The following FBXL17 variants were observed in gnomAD, a reference collection of about 807,000 sequenced individuals.
FBXL17 encodes F-box/LRR-repeat protein 17.
In FBXL17, 22 loss-of-function variants were observed where a neutral mutation model predicts 66.2. The observed-to-expected ratio is 0.33, with a 90% CI of 0.24 to 0.47. The LOEUF is 0.47. Ranked by LOEUF, FBXL17 falls within the 20% of genes least tolerant of loss-of-function variation. The pLI, the probability that FBXL17 is intolerant of heterozygous loss-of-function variation, is 1.00. For missense variants in FBXL17, 878 were observed against 948.2 expected (o/e 0.93, Z 0.97); for synonymous variants, 474 against 400.5 (o/e 1.18, Z -2.19).
chr5:108,142,728 C>T (rs1751399139), intron 6 of FBXL17, among the ~76,000 whole-genome samples: 1 of 152,000 alleles, frequency 6.6e-6, no homozygotes, highest in African/African-American at 2.4e-5. Context: ...CACAAGGAGT[C>T]CCCAACATAT....
chr5:107,910,994 A>G (rs1261906045), intron 7 of FBXL17, among the ~76,000 whole-genome samples: 2 of 152,158 alleles, frequency 1.3e-5, no homozygotes, highest in Non-Finnish European at 2.9e-5. Context: ...GTGCAAAACT[A>G]CATTCAATGT....
chr5:107,879,088 G>A, intron 8 of FBXL17: 1 of 985,454 alleles, frequency 1.0e-6, no homozygotes, highest in Non-Finnish European at 1.2e-6. Flanking sequence ...CAAAATGCTG[G>A]TCAGCAAATA....
At chr5:108,131,739 T>C (rs1039783758) in intron 6 of FBXL17, among the ~76,000 whole-genome samples, 2 of 152,122 alleles carry the variant, frequency 1.3e-5, no homozygotes, top group Admixed American at 6.5e-5. Flanking sequence ...AATTATTATA[T>C]GGCTACAGTA....
intron 4 of FBXL17, among the ~76,000 whole-genome samples, chr5:108,348,133 A>T (rs1392229619): frequency 6.6e-6 from 1 of 152,234 alleles, no homozygotes; most frequent in African/African-American, 2.4e-5. Context: ...CCAATTTACC[A>T]GTATTAGTTC....
At chr5:107,960,097 C>A (rs1441905127) in intron 7 of FBXL17, among the ~76,000 whole-genome samples, 1 of 152,152 alleles carries the variant, frequency 6.6e-6, no homozygotes, top group Admixed American at 6.6e-5. Flanking sequence ...ACTATTGGTT[C>A]TCAGTTCCTT....
At chr5:108,243,701 C>T (rs180683799) in intron 4 of FBXL17, among the ~76,000 whole-genome samples, 38 of 151,976 alleles carry the variant, frequency 2.5e-4, no homozygotes, top group Non-Finnish European at 3.1e-4. Context: ...TTAACAGATA[C>T]GGTTAAAGAC....
intron 6 of FBXL17, among the ~76,000 whole-genome samples, chr5:108,047,968 G>A (rs1014968861): frequency 2.6e-5 from 4 of 152,190 alleles, no homozygotes; most frequent in Admixed American, 6.5e-5. Flanking sequence ...AACAGATCCT[G>A]TTCCCCATGC....
chr5:108,126,684 T>C (rs256538), intron 6 of FBXL17, among the ~76,000 whole-genome samples: 25,477 of 132,672 alleles, frequency 0.19, 3,020 homozygotes, highest in South Asian at 0.34. Flanking sequence ...TATATATATA[T>C]ACACACATAC....
rs79982570 is a variant in FBXL17, at chr5:108,340,994, T to C, written c.1506+7405A>G. ...GTACATATCTTAGTACCATATTGTA[T>C]ATACTTCTCATATATGCCGTAGAGA... is the stretch of plus-strand genomic sequence containing the variant. On this transcript the variant is annotated intron_variant, in intron 4 of 8. Coordinates refer to ENST00000542267, the MANE Select transcript of FBXL17 (RefSeq NM_001163315.3). 9.0e-3 allele frequency among the ~76,000 whole-genome samples: 1,372 copies of C among 152,280 alleles called. 21 individuals are homozygous for C. Among genetic ancestry groups the C allele is most frequent in the African/African-American group, 0.03 (1,246 of 41,562 alleles).
chr5:108,277,489 A>G (rs966068605), intron 4 of FBXL17, among the ~76,000 whole-genome samples: 26 of 152,196 alleles, frequency 1.7e-4, no homozygotes, highest in Non-Finnish European at 3.7e-4. Context: ...AGAAAACCAG[A>G]AATCTAATAC....
intron 6 of FBXL17, among the ~76,000 whole-genome samples, chr5:108,109,505 AT>A (rs1167848764): frequency 3.3e-5 from 5 of 152,348 alleles, no homozygotes; most frequent in African/African-American, 1.2e-4. Context: ...CAAACCTAGC[AT>A]AAAAAATATA....
intron 5 of FBXL17, among the ~76,000 whole-genome samples, chr5:108,206,410 T>A (rs903864748): frequency 7.2e-5 from 11 of 152,176 alleles, no homozygotes; most frequent in African/African-American, 2.7e-4. Flanking sequence ...AGACTGCACA[T>A]ACATATTTAA....
chr5:108,240,308 C>G (rs1256209133), intron 4 of FBXL17, among the ~76,000 whole-genome samples: 3 of 152,112 alleles, frequency 2.0e-5, no homozygotes, highest in African/African-American at 7.2e-5. Context: ...TATAACTACC[C>G]TGAGCCAGAG....
intron 5 of FBXL17, among the ~76,000 whole-genome samples, chr5:108,221,010 C>T (rs1754841338): frequency 6.6e-6 from 1 of 152,142 alleles, no homozygotes. Flanking sequence ...CAAACAGTCC[C>T]ATAAATATGA....
intron 6 of FBXL17, among the ~76,000 whole-genome samples, chr5:108,123,655 T>C (rs1750588007): frequency 6.6e-6 from 1 of 152,178 alleles, no homozygotes; most frequent in South Asian, 2.1e-4. Flanking sequence ...CATTTCAGCA[T>C]ACCTCAAACT....
intron 8 of FBXL17, among the ~76,000 whole-genome samples, chr5:107,876,606 G>A (rs184752386): frequency 3.3e-4 from 51 of 152,274 alleles, no homozygotes; most frequent in Non-Finnish European, 4.9e-4. Context: ...TTTTCCGCCA[G>A]TGCCAGGCCA....
rs910426949 is a variant in FBXL17, at chr5:107,878,570, G to A, written c.1965+2467C>T. The A allele has an allele frequency of 1.0e-5, 10 of 974,588 alleles. No individual in the cohort carries two copies. The African/African-American group carries it at 1.1e-4, about 10-fold the overall frequency. 60.4% of individuals were successfully genotyped at this position (974,588 alleles called of 1,614,324 possible). A position where few individuals can be genotyped will look rare whatever the true frequency, so the allele number is the denominator to read the frequency against. On this transcript the variant is annotated intron_variant, in intron 8 of 8. Transcript: ENST00000542267. The stretch of plus-strand genomic sequence containing the variant: ...ATCTGAACCTGAACTCTGGCTCTCC[G>A]CAGACCATACCGTTGCTACTAATTT...
At chr5:108,374,298 ACAAGT>A (rs1373893651) in intron 1 of FBXL17, among the ~76,000 whole-genome samples, 1 of 152,220 alleles carries the variant, frequency 6.6e-6, no homozygotes, top group Non-Finnish European at 1.5e-5. Context: ...ATACTACACT[ACAAGT>A]CAAGTCTCAA....
chr5:108,349,898 C>T (rs1747533497), intron 3 of FBXL17, among the ~76,000 whole-genome samples: 1 of 152,108 alleles, frequency 6.6e-6, no homozygotes, highest in African/African-American at 2.4e-5. Flanking sequence ...TTAGCCTTTC[C>T]TTACCATATG....
Sources: gnomAD v4.1 joint callset for allele counts (sites outside exome capture counted in the v4.1 genomes callset) on GRCh38, gnomAD v4.1.1 for gene constraint, MANE v1.5 for transcripts, NCBI Gene and HGNC (gene_info 2026-07-23, HGNC 2026-07-21) for gene names.